Variants in PARD3B observed in about 807,000 individuals in gnomAD.
PARD3B encodes the protein partitioning defective 3 homolog B.
In PARD3B, 103 loss-of-function variants were observed where a neutral mutation model predicts 130.2. The ratio of observed to expected loss-of-function variants is 0.79; its 90% CI spans 0.67 to 0.93. The LOEUF (loss-of-function observed/expected upper bound fraction) is 0.93. Among genes scored for constraint, PARD3B ranks in the 40% least tolerant of loss-of-function variants. The pLI is 0.00. For synonymous variants in PARD3B, 583 were observed against 553.2 expected, an observed-to-expected ratio of 1.05 and a Z score of -0.76; for missense variants, 1,609 against 1,499.2, an observed-to-expected ratio of 1.07 and a Z score of -1.21.
At chr2:204,882,493 A>T (rs78446445) in intron 2 of PARD3B, among the ~76,000 whole-genome samples, 4 of 152,110 alleles carry the variant, frequency 2.6e-5, no homozygotes, top group African/African-American at 9.7e-5. Flanking sequence ...CAAAAGCTTT[A>T]TTTGTATATT....
At chr2:204,618,777 A>T (rs940874628) in intron 1 of PARD3B, among the ~76,000 whole-genome samples, 2 of 151,878 alleles carry the variant, frequency 1.3e-5, no homozygotes, top group Non-Finnish European at 2.9e-5. Flanking sequence ...GTAGGACTGA[A>T]CCCCTCTAGT....
chr2:205,551,007 T>C (rs2052621265), intron 21 of PARD3B, among the ~76,000 whole-genome samples: 2 of 137,376 alleles, frequency 1.5e-5, no homozygotes, highest in African/African-American at 2.7e-5. Context: ...ACACACATAA[T>C]CTGTTCCTCG....
intron 21 of PARD3B, among the ~76,000 whole-genome samples, chr2:205,541,938 G>A (rs1450171839): frequency 6.6e-6 from 1 of 151,752 alleles, no homozygotes; most frequent in African/African-American, 2.4e-5. Flanking sequence ...GAGATCAGGA[G>A]TTCCAGGCCA....
intron 15 of PARD3B, among the ~76,000 whole-genome samples, chr2:205,206,748 G>T (rs1214396708): frequency 6.6e-6 from 1 of 151,936 alleles, no homozygotes; most frequent in Non-Finnish European, 1.5e-5. Flanking sequence ...GGGATGGCTG[G>T]GTCAAATGGT....
chr2:205,330,273 G>C (rs1013684466), intron 18 of PARD3B, among the ~76,000 whole-genome samples: 5 of 152,090 alleles, frequency 3.3e-5, no homozygotes, highest in African/African-American at 7.2e-5. Flanking sequence ...CCTAGAAGGC[G>C]GAGGTTGCAG....
intron 19 of PARD3B, among the ~76,000 whole-genome samples, chr2:205,418,218 CTG>C (rs2046847543): frequency 6.6e-6 from 1 of 152,114 alleles, no homozygotes; most frequent in Non-Finnish European, 1.5e-5. Context: ...ACCTTTGAAT[CTG>C]AGGTTAAATT....
In PARD3B at chr2:205,241,069, C is replaced by G. The variant is rs2039331281; in HGVS notation, c.2141-4709C>G. 6.6e-6 allele frequency among the ~76,000 whole-genome samples: 1 copy of G among 152,058 alleles called. No individual in the cohort carries two copies. The highest frequency in any genetic ancestry group is 6.6e-5 in the Admixed American group (1 of 15,254). ...AAAAGACACAGACTGTTTATTTATG[C>G]TTTTTAAAAAGATGCCATTGATGCT... On this transcript the variant is annotated intron_variant, in intron 15 of 22. Coordinates refer to ENST00000406610, the MANE Select transcript of PARD3B (RefSeq NM_001302769.2). This position sits in a 1 kb window ranked among gnomAD's most constrained non-coding sequence, Gnocchi z 4.2.
At chr2:204,983,095 G>A (rs577244089) in intron 3 of PARD3B, among the ~76,000 whole-genome samples, 1 of 152,176 alleles carries the variant, frequency 6.6e-6, no homozygotes, top group Admixed American at 6.5e-5. Context: ...TATTTTTCAG[G>A]AGGTTGTTAC....
At chr2:205,519,072 A>AT (rs2050917883) in intron 21 of PARD3B, among the ~76,000 whole-genome samples, 2 of 151,872 alleles carry the variant, frequency 1.3e-5, no homozygotes, top group Non-Finnish European at 2.9e-5. Context: ...CTTGGGGATG[A>AT]TTTTCTTATG....
chr2:204,782,464 A>G (rs1391571408), intron 2 of PARD3B, among the ~76,000 whole-genome samples: 1 of 151,006 alleles, frequency 6.6e-6, no homozygotes, highest in Non-Finnish European at 1.5e-5. Context: ...TATATGTAAT[A>G]TACACATTAC....
At chr2:204,871,071 G>A (rs1033874120) in intron 2 of PARD3B, among the ~76,000 whole-genome samples, 4 of 152,102 alleles carry the variant, frequency 2.6e-5, no homozygotes, top group African/African-American at 9.7e-5. Flanking sequence ...GGACATTAAA[G>A]TTTAGGGAAA....
chr2:204,628,124 T>C (rs1234466531), intron 1 of PARD3B, among the ~76,000 whole-genome samples: 1 of 152,074 alleles, frequency 6.6e-6, no homozygotes, highest in East Asian at 1.9e-4. Context: ...TTTGTGTATA[T>C]GTTTAACTTG....
chr2:205,420,427 G>A (rs2046929544), intron 19 of PARD3B, among the ~76,000 whole-genome samples: 2 of 152,228 alleles, frequency 1.3e-5, no homozygotes, highest in South Asian at 4.1e-4. Flanking sequence ...TTTGTCCGTG[G>A]TACAAAATTA....
intron 2 of PARD3B, among the ~76,000 whole-genome samples, chr2:204,861,924 CAAAAAAAAAAAAAAA>C (rs60473341): frequency 2.9e-5 from 1 of 34,068 alleles, no homozygotes; most frequent in Non-Finnish European, 6.3e-5. Flanking sequence ...AGACATTTCT[CAAAAAAAAAAAAAAA>C]AAAAAAAAAA....
intron 3 of PARD3B, 88 bp from the exon 4 acceptor site, chr2:205,047,486 CCTGTTGT>C: frequency 1.6e-6 from 1 of 627,130 alleles, no homozygotes; most frequent in Non-Finnish European, 2.7e-6. Flanking sequence ...TACATAAAAG[CCTGTTGT>C]AAACCTTTTA....
intron 2 of PARD3B, among the ~76,000 whole-genome samples, chr2:204,698,800 A>G (rs891156270): frequency 6.6e-6 from 1 of 152,072 alleles, no homozygotes; most frequent in African/African-American, 2.4e-5. Flanking sequence ...TTTCTTTAAA[A>G]TTGTAGCGTT....
At chr2:204,729,998 AACACACACACACACACACACAC>A in intron 2 of PARD3B, among the ~76,000 whole-genome samples, 1 of 141,462 alleles carries the variant, frequency 7.1e-6, no homozygotes, top group South Asian at 2.3e-4. Context: ...CACACACACA[AACACACACACACACACACACAC>A]ACACACACAC....
intron 20 of PARD3B, among the ~76,000 whole-genome samples, chr2:205,450,903 A>G (rs2048078037): frequency 6.6e-6 from 1 of 152,196 alleles, no homozygotes; most frequent in African/African-American, 2.4e-5. Flanking sequence ...TAAGCTCATC[A>G]TCGGAACTGA....
At chr2:205,264,434 G>A (rs963132213) in intron 16 of PARD3B, among the ~76,000 whole-genome samples, 4 of 151,038 alleles carry the variant, frequency 2.6e-5, no homozygotes, top group Admixed American at 6.6e-5. Context: ...CTGAAAATTA[G>A]CAGCTGCATG....
Sources: gnomAD v4.1 joint callset for allele counts (sites outside exome capture counted in the v4.1 genomes callset) on GRCh38, gnomAD v4.1.1 for gene constraint, Gnocchi (gnomAD v3.1) non-coding constraint, MANE v1.5 for transcripts, NCBI Gene and HGNC (gene_info 2026-07-23, HGNC 2026-07-21) for gene names.